Variants in ANO10 observed in about 807,000 individuals in gnomAD.
The protein encoded by ANO10 is anoctamin 10.
ANO10 carries 77 observed loss-of-function variants against 74.7 expected under a neutral mutation model. That is an observed-to-expected ratio of 1.03 (90% CI 0.86 to 1.25). The LOEUF (loss-of-function observed/expected upper bound fraction) is 1.25. ANO10 is among the 50% of genes most tolerant of loss of function. ANO10 has a pLI of 0.00. For missense variants in ANO10, 721 were observed against 778.1 expected, an observed-to-expected ratio of 0.93 and a Z score of 0.87; for synonymous variants, 279 against 284.9, an observed-to-expected ratio of 0.98 and a Z score of 0.21.
intron 5 of ANO10, 40 bp downstream of exon 5, chr3:43,580,313 G>A (rs1177677465): frequency 1.2e-6 from 2 of 1,612,356 alleles, no homozygotes; most frequent in East Asian, 2.2e-5. Flanking sequence ...TTTCATCAGA[G>A]GCCTTCCTCT....
At chr3:43,419,437 A>G (rs1451831350) in intron 12 of ANO10, among the ~76,000 whole-genome samples, 1 of 152,184 alleles carries the variant, frequency 6.6e-6, no homozygotes, top group East Asian at 1.9e-4. Context: ...GAATTTTTCA[A>G]CTCTAACATT....
upstream of ANO10, among the ~76,000 whole-genome samples, chr3:43,623,689 G>A (rs1166593303): frequency 6.6e-6 from 1 of 152,180 alleles, no homozygotes; most frequent in Non-Finnish European, 1.5e-5. Context: ...CAGGAGGCAG[G>A]GAAACTAAAA....
At chr3:43,629,941 A>G (rs961811183) in intron 1 of ANO10, among the ~76,000 whole-genome samples, 2 of 152,204 alleles carry the variant, frequency 1.3e-5, no homozygotes, top group African/African-American at 4.8e-5. Context: ...AACTCACCAG[A>G]GTTGTGAGTG....
intron 12 of ANO10, among the ~76,000 whole-genome samples, chr3:43,382,893 A>T (rs1048623987): frequency 3.3e-5 from 5 of 152,222 alleles, no homozygotes; most frequent in Admixed American, 2.0e-4. Context: ...AAATGTTACC[A>T]ACAAAAAAAA....
At chr3:43,380,958 T>C (rs1316037617) in intron 12 of ANO10, among the ~76,000 whole-genome samples, 1 of 152,176 alleles carries the variant, frequency 6.6e-6, no homozygotes, top group Non-Finnish European at 1.5e-5. Flanking sequence ...CCAGGAAACA[T>C]ACAATCATGG....
intron 4 of ANO10, among the ~76,000 whole-genome samples, chr3:43,585,680 G>T (rs956760816): frequency 6.6e-6 from 1 of 152,150 alleles, no homozygotes; most frequent in Non-Finnish European, 1.5e-5. Context: ...GGATGAAAAG[G>T]GAGAAACAGA....
intron 11 of ANO10, chr3:43,484,927 C>A: frequency 2.7e-6 from 2 of 754,520 alleles, no homozygotes; most frequent in South Asian, 1.7e-5. Context: ...TTCACCGGGG[C>A]GTTCCTGAGT....
At chr3:43,588,729 C>T (rs2081589804) in intron 4 of ANO10, among the ~76,000 whole-genome samples, 1 of 152,092 alleles carries the variant, frequency 6.6e-6, no homozygotes, top group South Asian at 2.1e-4. Flanking sequence ...CAAGACAAGG[C>T]TGAATTCAGC....
In ANO10 at chr3:43,542,824, G is replaced by A. The variant is rs539977463; in HGVS notation, c.1797+6896C>T. Among the ~76,000 whole-genome samples the A allele has an allele frequency of 2.0e-5, 3 of 152,306 alleles. No homozygotes were observed. In the South Asian group the frequency reaches 6.2e-4, roughly 32 times the overall value. On this transcript the variant is annotated intron_variant, in intron 11 of 12. Transcript: ENST00000292246. ...TAGAACTGCAGCTCACATCCCCTGT[G>A]CCTTGACCAAGTACTCAGCCCTGTG...
intron 11 of ANO10, among the ~76,000 whole-genome samples, chr3:43,497,144 A>G (rs2076946413): frequency 6.6e-6 from 1 of 152,186 alleles, no homozygotes; most frequent in African/African-American, 2.4e-5. Context: ...ATTTTGAATT[A>G]AGTGCAGACA....
intron 4 of ANO10, among the ~76,000 whole-genome samples, chr3:43,591,076 C>G (rs572929285): frequency 2.9e-4 from 44 of 152,314 alleles, no homozygotes; most frequent in Admixed American, 5.2e-4. Flanking sequence ...GCGGCAACCC[C>G]CTTTGGGTCC....
At chr3:43,466,879 T>C (rs115691198) in intron 11 of ANO10, among the ~76,000 whole-genome samples, 94 of 152,340 alleles carry the variant, frequency 6.2e-4, no homozygotes, top group African/African-American at 2.2e-3. Context: ...AACTTGTGTA[T>C]TGAATATGTA....
intron 11 of ANO10, among the ~76,000 whole-genome samples, chr3:43,537,765 A>G (rs2149268028): frequency 6.6e-6 from 1 of 152,324 alleles, no homozygotes; most frequent in East Asian, 1.9e-4. Flanking sequence ...CGATTTCAGT[A>G]ACATAACATA....
chr3:43,617,310 G>A (rs954075975), intron 1 of ANO10, among the ~76,000 whole-genome samples: 15 of 151,850 alleles, frequency 9.9e-5, no homozygotes, highest in African/African-American at 3.4e-4. Context: ...GGCACCAGAG[G>A]GTAGAATGAT....
intron 4 of ANO10, among the ~76,000 whole-genome samples, chr3:43,593,559 TGAAA>T (rs2081919139): frequency 6.6e-6 from 1 of 152,222 alleles, no homozygotes; most frequent in Non-Finnish European, 1.5e-5. Flanking sequence ...GAGCAAATGC[TGAAA>T]GATTTTGTCA....
chr3:43,489,623 A>G (rs548080206), intron 11 of ANO10, among the ~76,000 whole-genome samples: 4 of 152,330 alleles, frequency 2.6e-5, no homozygotes, highest in African/African-American at 4.8e-5. Flanking sequence ...AGTTTTCACA[A>G]TAAGACTAGG....
chr3:43,372,970 T>C, intron 12 of ANO10: 1 of 968,086 alleles, frequency 1.0e-6, no homozygotes, highest in African/African-American at 1.6e-5. Flanking sequence ...ATGTAACACA[T>C]ATTCAAGTTC....
At chr3:43,677,102 A>C (rs991674781) in intron 1 of ANO10, among the ~76,000 whole-genome samples, 1 of 152,214 alleles carries the variant, frequency 6.6e-6, no homozygotes, top group Admixed American at 6.5e-5. Flanking sequence ...GCCCATCAAC[A>C]GTGGACTGGA....
intron 1 of ANO10, chr3:43,637,659 T>G (rs2083628709): frequency 6.6e-6 from 1 of 151,732 alleles, no homozygotes; most frequent in Admixed American, 6.6e-5. Flanking sequence ...TATTTCTTCT[T>G]GAGCTTCACA....
Sources: gnomAD v4.1 joint callset for allele counts (sites outside exome capture counted in the v4.1 genomes callset) on GRCh38, gnomAD v4.1.1 for gene constraint, MANE v1.5 for transcripts, NCBI Gene and HGNC (gene_info 2026-07-23, HGNC 2026-07-21) for gene names.